SLC6A13: variants seen among roughly 807,000 people sequenced by gnomAD.
The protein encoded by SLC6A13 is solute carrier family 6 member 13, also known as sodium- and chloride-dependent GABA transporter 2.
SLC6A13 carries 69 observed loss-of-function variants against 72.9 expected under a neutral mutation model. That is an observed-to-expected ratio of 0.95 (90% CI 0.78 to 1.16). SLC6A13 has a LOEUF of 1.16. Ranked by LOEUF, SLC6A13 falls within the 50% of genes most tolerant of loss-of-function variation. The pLI, the probability that SLC6A13 is intolerant of heterozygous loss-of-function variation, is 0.00. For missense variants in SLC6A13, 735 were observed against 760.5 expected, an observed-to-expected ratio of 0.97 and a Z score of 0.39; for synonymous variants, 303 against 303.0, an observed-to-expected ratio of 1.00 and a Z score of 0.00.
rs1941330230 is a variant in SLC6A13 at position 224,019 on chromosome 12, GAAGGAGACGACAGAT to G, written c.1269_1283del (p.Ser424_Phe428del). On this transcript the variant is annotated inframe_deletion, in exon 11 of 15. Coordinates refer to ENST00000343164, the MANE Select transcript of SLC6A13 (RefSeq NM_016615.5). Reference sequence around the variant, plus strand: ...CTGTGAGCATGATCAGCCCCACAAGGAAGGAGACGACAGATACTCCAAGGATGAGGACTTCCCTCC... The same window carrying G: ...CTGTGAGCATGATCAGCCCCACAAGGACTCCAAGGATGAGGACTTCCCTCC... 3 of 1,613,936 alleles carry G rather than the reference GAAGGAGACGACAGAT, an allele frequency of 1.9e-6. No homozygotes were observed. The African/African-American group carries it at 4.0e-5, about 22-fold the overall frequency.
intron 7 of SLC6A13, among the ~76,000 whole-genome samples, chr12:228,490 T>C (rs1032234666): frequency 6.6e-6 from 1 of 152,120 alleles, no homozygotes; most frequent in East Asian, 1.9e-4. Flanking sequence ...TGTGTCTGTG[T>C]TCCTAATGGA....
chr12:242,849 G>A, intron 3 of SLC6A13, 95 bp from the exon 4 acceptor site: 1 of 1,173,188 alleles, frequency 8.5e-7, no homozygotes, highest in Non-Finnish European at 1.2e-6. Flanking sequence ...TGAGAGGATT[G>A]TCTGAGGCTG....
chr12:262,677 C>T (rs1334990043), intron 1 of SLC6A13, 112 bp downstream of exon 1: 2 of 985,172 alleles, frequency 2.0e-6, no homozygotes, highest in African/African-American at 3.5e-5. Context: ...CAGAAGCGTA[C>T]TTTCTAGGCG....
chr12:233,251 G>A (rs1307178945), intron 7 of SLC6A13, among the ~76,000 whole-genome samples: 1 of 152,164 alleles, frequency 6.6e-6, no homozygotes, highest in East Asian at 1.9e-4. Context: ...GGCCTCTGGG[G>A]CGGAGCTTAC....
chr12:253,526 T>C (rs1042132977), intron 2 of SLC6A13: 10 of 152,332 alleles, frequency 6.6e-5, no homozygotes, highest in African/African-American at 2.4e-4. Context: ...ATCCTCTTTG[T>C]GTGGGCATCC....
In SLC6A13 at chr12:225,067, G is replaced by T. The variant is rs138032822; in HGVS notation, c.1061-554C>A. On this transcript the variant is annotated intron_variant, in intron 9 of 14. Coordinates refer to ENST00000343164, the MANE Select transcript of SLC6A13 (RefSeq NM_016615.5). ...TCTGTCACCCTGCAATGACTACACT[G>T]GCACTGGTTTCAGAATGCCGCTGAC... 1.8e-3 allele frequency among the ~76,000 whole-genome samples: 271 copies of T among 152,376 alleles called. 2 individuals carry two copies. The highest frequency in any genetic ancestry group is 0.014 in the South Asian group (67 of 4,830).
chr12:254,704 A>G lies in SLC6A13; in HGVS notation c.202+5147T>C, dbSNP rs116990089. 2.5e-3 allele frequency among the ~76,000 whole-genome samples: 383 copies of G among 152,294 alleles called. 4 individuals are homozygous for G. Among genetic ancestry groups the G allele is most frequent in the Non-Finnish European group, 4.2e-3 (288 of 68,022 alleles). On this transcript the variant is annotated intron_variant, in intron 2 of 14. Coordinates refer to ENST00000343164, the MANE Select transcript of SLC6A13 (RefSeq NM_016615.5). This position sits in a 1 kb window ranked among gnomAD's most constrained non-coding sequence, Gnocchi z 4.4. The stretch of plus-strand genomic sequence containing the variant: ...CTTTTCTTATACCATCAAAATGCTA[A>G]TGATCCCCAAATACACACCTCCAGC...
In SLC6A13 at chr12:262,052, C is replaced by T. The variant is rs555990217; in HGVS notation, c.-6+737G>A. On this transcript the variant is annotated intron_variant, in intron 1 of 14. Transcript: ENST00000343164. Reference sequence around the variant, plus strand: ...CTGGTCCCAAGAGGGCTCCTCAGTCCTTTTGGGAAGGTTGTCTAAGGTACT... The same window carrying T: ...CTGGTCCCAAGAGGGCTCCTCAGTCTTTTTGGGAAGGTTGTCTAAGGTACT... 2.0e-5 allele frequency among the ~76,000 whole-genome samples: 3 copies of T among 152,252 alleles called. No individual in the cohort carries two copies. In the South Asian group the frequency reaches 6.2e-4, roughly 32 times the overall value.
intron 7 of SLC6A13, among the ~76,000 whole-genome samples, chr12:233,188 G>A (rs1313771151): frequency 6.6e-6 from 1 of 152,234 alleles, no homozygotes; most frequent in Admixed American, 6.5e-5. Context: ...CGGCAGGGTG[G>A]TCTCTGCACC....
chr12:246,132 A>AAAATAAATAAAT (rs71045049), intron 2 of SLC6A13, among the ~76,000 whole-genome samples: 4,370 of 146,948 alleles, frequency 0.03, 124 homozygotes, highest in East Asian at 0.082. Flanking sequence ...AATAAAAGTA[A>AAAATAAATAAAT]AAATAAATAA....
intron 8 of SLC6A13, 109 bp from the exon 9 acceptor site, chr12:226,623 G>A (rs1941467969): frequency 7.3e-7 from 1 of 1,370,464 alleles, no homozygotes; most frequent in South Asian, 1.5e-5. Context: ...CACTGTCCTG[G>A]CCCCTTCACG....
chr12:250,403 CA>C (rs143411571), intron 2 of SLC6A13, among the ~76,000 whole-genome samples: 29,030 of 150,530 alleles, frequency 0.19, 3,200 homozygotes, highest in East Asian at 0.37. Context: ...GGAATGCACA[CA>C]AAAAAAAACC....
At chr12:235,067 G>A (rs773881953) in intron 7 of SLC6A13, 23 bp downstream of exon 7, 26 of 1,614,028 alleles carry the variant, frequency 1.6e-5, no homozygotes, top group East Asian at 1.1e-4. Context: ...GTCACGTGAG[G>A]GCTCCTGTCT....
chr12:224,564 C>G, intron 9 of SLC6A13, 51 bp from the exon 10 acceptor site: 2 of 1,467,152 alleles, frequency 1.4e-6, no homozygotes. Flanking sequence ...CAGCTCCAGG[C>G]TGTGGGTGAC....
chr12:238,106 G>A (rs1942007957), intron 4 of SLC6A13, 96 bp from the exon 5 acceptor site: 6 of 1,569,980 alleles, frequency 3.8e-6, no homozygotes, highest in Non-Finnish European at 3.5e-6. Flanking sequence ...AGAATGGGAA[G>A]GAAGGTATTT....
chr12:243,702 C>T lies in SLC6A13; in HGVS notation c.314G>A (p.Arg105Lys), dbSNP rs1261809663. The change falls in exon 3 of 15, where the codon AGG becomes AAG. Residue 105 changes from arginine to lysine, a missense_variant. By Grantham distance (26) the Arg-to-Lys change is conservative. Transcript: ENST00000343164. ...ACCCTCAAAGATGGGGCAGATCTTC[C>T]TCCAGGCTGTGACGCCTCCCTGGCT... is the stretch of plus-strand genomic sequence containing the variant. The part of the protein sequence containing the change: ...YTSQGGVTAW[R>K]KICPIFEGIG... 1 of 1,614,162 alleles carries T rather than the reference C, an allele frequency of 6.2e-7. No individual in the cohort carries two copies. Among genetic ancestry groups the T allele is most frequent in the African/African-American group, 1.3e-5 (1 of 75,066 alleles).
rs768328878 is a variant in SLC6A13, at chr12:221,555, G to A, written c.1516-9C>T. ...GAGAAGAGAAAGGTGGCCTGAGGGG[G>A]AGAGCAGAAGAGAAAGGGGTTGGGG... On this transcript the variant is annotated splice_polypyrimidine_tract_variant and intron_variant, in intron 13 of 14. Transcript: ENST00000343164. 6.4e-7 allele frequency: 1 copy of A among 1,551,126 alleles called. No individual in the cohort carries two copies. Among genetic ancestry groups the A allele is most frequent in the East Asian group, 2.3e-5 (1 of 43,298 alleles).
chr12:226,576 C>A, intron 8 of SLC6A13, 62 bp from the exon 9 acceptor site: 2 of 1,555,506 alleles, frequency 1.3e-6, no homozygotes, highest in East Asian at 2.3e-5. Context: ...GCAACCTCTC[C>A]TGCTTCCTGT....
intron 2 of SLC6A13, among the ~76,000 whole-genome samples, chr12:252,685 G>A (rs540920235): frequency 6.6e-6 from 1 of 152,334 alleles, no homozygotes; most frequent in African/African-American, 2.4e-5. Flanking sequence ...AAACAGGAAA[G>A]ATAGAACCCA....
Sources: gnomAD v4.1 joint callset for allele counts (sites outside exome capture counted in the v4.1 genomes callset) on GRCh38, gnomAD v4.1.1 for gene constraint, Gnocchi (gnomAD v3.1) non-coding constraint, MANE v1.5 for transcripts, NCBI Gene and HGNC (gene_info 2026-07-23, HGNC 2026-07-21) for gene names.